Variants in HYCC2 observed in about 807,000 individuals in gnomAD.
HYCC2 encodes the protein hyccin PI4KA lipid kinase complex subunit 2.
chr2:201,010,029 G>T, the HYCC2 span, among the ~76,000 whole-genome samples: 2 of 151,268 alleles, frequency 1.3e-5, no homozygotes, highest in South Asian at 2.1e-4. Flanking sequence ...GCTTGAACCC[G>T]GGAGGTGGAG....
At chr2:201,020,929 A>G in the HYCC2 span, among the ~76,000 whole-genome samples, 5 of 152,062 alleles carry the variant, frequency 3.3e-5, no homozygotes, top group South Asian at 4.2e-4. Context: ...CACCACACCC[A>G]GCTAATTTTT....
the HYCC2 span, among the ~76,000 whole-genome samples, chr2:200,988,903 T>C: frequency 6.6e-6 from 1 of 152,154 alleles, no homozygotes; most frequent in Non-Finnish European, 1.5e-5. Context: ...GTTTCCTAAT[T>C]GGGTTGTACT....
the HYCC2 span, among the ~76,000 whole-genome samples, chr2:200,986,284 G>C: frequency 1.8e-4 from 27 of 152,156 alleles, no homozygotes; most frequent in Non-Finnish European, 1.5e-5. Flanking sequence ...TTCTTACTGA[G>C]CATGCTCAAA....
chr2:200,997,611 G>T, the HYCC2 span: 2 of 915,526 alleles, frequency 2.2e-6, no homozygotes, highest in Non-Finnish European at 3.6e-6. Context: ...TTATGACAAT[G>T]CCTTAATATT....
At chr2:201,045,168 T>C in the HYCC2 span, among the ~76,000 whole-genome samples, 1 of 152,202 alleles carries the variant, frequency 6.6e-6, no homozygotes, top group African/African-American at 2.4e-5. Flanking sequence ...TCTCCTATAT[T>C]GGACGGCACA....
chr2:201,049,578 C>A, the HYCC2 span, among the ~76,000 whole-genome samples: 4 of 151,618 alleles, frequency 2.6e-5, no homozygotes, highest in Non-Finnish European at 5.9e-5. Flanking sequence ...TGGTCTCGAT[C>A]CTCTGACCTC....
chr2:201,067,114 G>A, the HYCC2 span: 2 of 245,964 alleles, frequency 8.1e-6, no homozygotes, highest in Non-Finnish European at 1.6e-5. Flanking sequence ...CAGACCTGAT[G>A]AAGAGAAGAA....
the HYCC2 span, among the ~76,000 whole-genome samples, chr2:201,002,744 C>T: frequency 0.011 from 1,724 of 152,128 alleles, 17 homozygotes; most frequent in Non-Finnish European, 0.017. Context: ...AGGCTGGTTT[C>T]GAACTCCTAA....
chr2:201,045,939 TAC>T, the HYCC2 span, among the ~76,000 whole-genome samples: 1 of 152,154 alleles, frequency 6.6e-6, no homozygotes, highest in Admixed American at 6.5e-5. Context: ...TGAAACATGT[TAC>T]AGTGATTTTT....
At chr2:201,064,040 A>C in the HYCC2 span, 1 of 1,592,858 alleles carries the variant, frequency 6.3e-7, no homozygotes, top group East Asian at 2.2e-5. Context: ...TGGCAGTGGC[A>C]GAAGATTTTA....
At chr2:200,981,649 C>A in the HYCC2 span, 4 of 1,614,148 alleles carry the variant, frequency 2.5e-6, no homozygotes, top group South Asian at 1.1e-5. This position sits in a 1 kb window ranked among gnomAD's most constrained non-coding sequence, Gnocchi z 4.5. Context: ...ATACTGCTTG[C>A]GAACTACTGA....
At chr2:201,030,582 C>T in the HYCC2 span, among the ~76,000 whole-genome samples, 28 of 141,940 alleles carry the variant, frequency 2.0e-4, no homozygotes, top group Admixed American at 2.1e-4. Context: ...TATCTCATTC[C>T]TTTTTTTTTT....
the HYCC2 span, among the ~76,000 whole-genome samples, chr2:201,037,396 A>C: frequency 6.6e-6 from 1 of 152,204 alleles, no homozygotes; most frequent in East Asian, 1.9e-4. Flanking sequence ...AACTACTTTA[A>C]AGTTCACATG....
the HYCC2 span, chr2:200,997,613 C>T: frequency 1.1e-6 from 1 of 898,528 alleles, no homozygotes; most frequent in Non-Finnish European, 1.8e-6. Flanking sequence ...ATGACAATGC[C>T]TTAATATTGA....
chr2:201,026,272 A>AAT, the HYCC2 span, among the ~76,000 whole-genome samples: 1 of 152,196 alleles, frequency 6.6e-6, no homozygotes, highest in Non-Finnish European at 1.5e-5. Context: ...AACTATCCTA[A>AAT]ATATATATGC....
chr2:201,022,172 C>G, the HYCC2 span: 1 of 1,022,188 alleles, frequency 9.8e-7, no homozygotes, highest in Non-Finnish European at 1.3e-6. Context: ...TTTAAGCATA[C>G]ATGAATCCAG....
the HYCC2 span, among the ~76,000 whole-genome samples, chr2:201,003,097 C>T: frequency 1.3e-5 from 2 of 151,962 alleles, no homozygotes; most frequent in Non-Finnish European, 2.9e-5. Flanking sequence ...GATTGGGTCT[C>T]GCTTTGTTGC....
At chr2:200,999,984 A>G in the HYCC2 span, among the ~76,000 whole-genome samples, 1 of 143,288 alleles carries the variant, frequency 7.0e-6, no homozygotes, top group Non-Finnish European at 1.5e-5. Context: ...CTCGAACCCG[A>G]GAGGCGGAGG....
the HYCC2 span, among the ~76,000 whole-genome samples, chr2:201,030,655 T>G: frequency 6.6e-6 from 1 of 151,468 alleles, no homozygotes; most frequent in East Asian, 1.9e-4. Context: ...CTTGGCTCAC[T>G]GCAACCTCCG....
Sources: allele counts gnomAD v4.1 joint callset (sites outside exome capture counted in the v4.1 genomes callset), GRCh38; gene constraint gnomAD v4.1.1; non-coding constraint Gnocchi (gnomAD v3.1); transcripts MANE v1.5; gene names NCBI Gene and HGNC (gene_info 2026-07-23, HGNC 2026-07-21).